INPP5K: variants seen among roughly 807,000 people sequenced by gnomAD.
INPP5K encodes the protein inositol polyphosphate 5-phosphatase K.
A neutral mutation model predicts 53.5 loss-of-function variants in INPP5K; 35 were observed. The ratio of observed to expected loss-of-function variants is 0.65; its 90% CI spans 0.50 to 0.87. The LOEUF is 0.87. INPP5K is among the 40% of genes least tolerant of loss of function. INPP5K has a pLI of 0.00. For missense variants in INPP5K, 550 were observed against 586.2 expected (o/e 0.94, Z 0.64); for synonymous variants, 253 against 232.8 (o/e 1.09, Z -0.79).
Position 1,508,162 on chromosome 17 carries a change from C to T in INPP5K, c.619G>A (p.Glu207Lys). The T allele has an allele frequency of 6.2e-7, 1 of 1,614,118 alleles. No homozygotes were observed. The highest frequency in any genetic ancestry group is 8.5e-7 in the Non-Finnish European group (1 of 1,179,996). The stretch of plus-strand genomic sequence containing the variant: ...CCGTAGCACCGATTTTTAATGGATT[C>T]CCGAACAAAGTGCAACCCAAAGTCC... ...IEDFGLHFVR[E>K]SIKNRCYGGL... The change falls in exon 6 of 12, where the codon GAA becomes AAA. Residue 207 changes from glutamate to lysine, a missense_variant. Transcript: ENST00000421807.
chr17:1,513,395 A>G, intron 3 of INPP5K, 58 bp downstream of exon 3: 1 of 1,253,214 alleles, frequency 8.0e-7, no homozygotes, highest in Non-Finnish European at 1.2e-6. Context: ...CCCAACAAGC[A>G]GGGGTCAGTG....
In INPP5K at chr17:1,514,534, C is replaced by T. The variant is rs143001329; in HGVS notation, c.45-555G>A. The stretch of plus-strand genomic sequence containing the variant: ...ATGCTGGCTCACAGCCACCCACACC[C>T]GGCAGCACTGGTGCTGCTGATATAG... On this transcript the variant is annotated intron_variant, in intron 1 of 11. Transcript: ENST00000421807. Among the ~76,000 whole-genome samples the T allele has an allele frequency of 2.0e-3, 305 of 152,254 alleles. 1 individual carries two copies. The highest frequency in any genetic ancestry group is 6.9e-3 in the African/African-American group (287 of 41,540).
At chr17:1,511,473 G>A (rs1223606944) in intron 3 of INPP5K, among the ~76,000 whole-genome samples, 3 of 152,194 alleles carry the variant, frequency 2.0e-5, no homozygotes, top group South Asian at 2.1e-4. Context: ...CCCCGGGTGG[G>A]GAGCGTGTAC....
chr17:1,497,925 C>T lies in INPP5K; in HGVS notation c.963+11G>A. ...TTCCTCTGGCAAGTATCAGGCAGCC[C>T]AGAAGTTCACCTCCAAGTCGAACGT... On this transcript the variant is annotated intron_variant, in intron 8 of 11. Transcript: ENST00000421807. 6.2e-7 allele frequency: 1 copy of T among 1,608,898 alleles called. No individual in the cohort carries two copies. Among genetic ancestry groups the T allele is most frequent in the Non-Finnish European group, 8.5e-7 (1 of 1,176,192 alleles).
At chr17:1,512,218 T>A (rs2075325618) in intron 3 of INPP5K, among the ~76,000 whole-genome samples, 1 of 152,182 alleles carries the variant, frequency 6.6e-6, no homozygotes, top group South Asian at 2.1e-4. Flanking sequence ...CTAATTTCCT[T>A]GGCTCAATTC....
At chr17:1,496,494 C>T in intron 9 of INPP5K, 92 bp from the exon 10 acceptor site, 1 of 1,336,850 alleles carries the variant, frequency 7.5e-7, no homozygotes, top group South Asian at 1.2e-5. Flanking sequence ...CTGGGCCTGG[C>T]TACCGTACTG....
intron 3 of INPP5K, among the ~76,000 whole-genome samples, chr17:1,510,050 A>C (rs191918655): frequency 1.3e-5 from 2 of 152,390 alleles, no homozygotes; most frequent in East Asian, 1.9e-4. Context: ...GGAAGAGAAG[A>C]TAAGCTAAGG....
Position 1,496,937 on chromosome 17 carries a change from C to T in INPP5K, c.964-134G>A. The T allele has an allele frequency of 9.7e-6, 8 of 828,140 alleles. No homozygotes were observed. In the South Asian group the frequency reaches 1.3e-4, roughly 14 times the overall value. The allele number at this position is 828,140 out of a possible 1,614,324, so 51.3% of individuals were successfully genotyped here. The stretch of plus-strand genomic sequence containing the variant: ...CAGAGGGGGTGGGCATGGAACTCCA[C>T]TGGGCTGCTCCAACGGACCTTGGCT... On this transcript the variant is annotated intron_variant, in intron 8 of 11. Coordinates refer to ENST00000421807, the MANE Select transcript of INPP5K (RefSeq NM_016532.4).
At position 1,497,924 on chromosome 17, in the gene INPP5K, C is replaced by A; in HGVS notation, c.963+12G>T. 1 of 1,608,562 alleles carries A rather than the reference C, an allele frequency of 6.2e-7. No individual in the cohort carries two copies. The highest frequency in any genetic ancestry group is 1.3e-5 in the African/African-American group (1 of 74,958). On this transcript the variant is annotated intron_variant, in intron 8 of 11. Coordinates refer to ENST00000421807, the MANE Select transcript of INPP5K (RefSeq NM_016532.4). ...ATTCCTCTGGCAAGTATCAGGCAGC[C>A]CAGAAGTTCACCTCCAAGTCGAACG...
chr17:1,498,139 C>T lies in INPP5K; in HGVS notation c.777-17G>A. On this transcript the variant is annotated splice_polypyrimidine_tract_variant and intron_variant, in intron 7 of 11. Transcript: ENST00000421807. ...TTTTTCTCACTGCAGGGGCAGGGGG[C>T]ATAAAGAGGAAGAATGGGGAAAGAA... 6.3e-7 allele frequency: 1 copy of T among 1,574,808 alleles called. No homozygotes were observed. The highest frequency in any genetic ancestry group is 8.7e-7 in the Non-Finnish European group (1 of 1,154,644).
At chr17:1,504,723 G>A (rs1445486450) in intron 7 of INPP5K, among the ~76,000 whole-genome samples, 1 of 152,218 alleles carries the variant, frequency 6.6e-6, no homozygotes, top group African/African-American at 2.4e-5. Context: ...ACTGATACAG[G>A]CAAAGCCTTG....
At chr17:1,497,486 G>A (rs1042500036) in intron 8 of INPP5K, among the ~76,000 whole-genome samples, 9 of 151,970 alleles carry the variant, frequency 5.9e-5, no homozygotes, top group African/African-American at 1.2e-4. Flanking sequence ...ACACACACAC[G>A]CCAGTAAACC....
chr17:1,500,337 C>G (rs977129796), intron 7 of INPP5K, among the ~76,000 whole-genome samples: 7 of 152,204 alleles, frequency 4.6e-5, no homozygotes, highest in Admixed American at 3.3e-4. Flanking sequence ...TTGCCGAAAC[C>G]ATCCCAGACA....
chr17:1,507,913 G>C (rs895063604), intron 6 of INPP5K, among the ~76,000 whole-genome samples: 60 of 151,914 alleles, frequency 3.9e-4, no homozygotes, highest in Non-Finnish European at 5.0e-4. Context: ...AGCACATCCA[G>C]GGTCTGTTAC....
chr17:1,500,577 G>A (rs1234369467), intron 7 of INPP5K, among the ~76,000 whole-genome samples: 1 of 152,174 alleles, frequency 6.6e-6, no homozygotes, highest in South Asian at 2.1e-4. Context: ...GCATTAGCCA[G>A]GATGGTCTTG....
Position 1,516,605 on chromosome 17 carries a change from C to A in INPP5K, c.-106G>T. The A allele has an allele frequency of 7.1e-7, 1 of 1,411,600 alleles. No individual in the cohort carries two copies. Among genetic ancestry groups the A allele is most frequent in the Non-Finnish European group, 9.2e-7 (1 of 1,091,482 alleles). 87.4% of individuals were successfully genotyped at this position (1,411,600 alleles called of 1,614,324 possible). ...CGGCCGGTCTCACGCGCCTAGCTGT[C>A]GCGGACTGTTTTTCTTCCGGACTCC... is the stretch of plus-strand genomic sequence containing the variant. On this transcript the variant is annotated 5_prime_UTR_variant, in exon 1 of 12. Transcript: ENST00000421807.
At chr17:1,516,026 A>G (rs984486548) in intron 1 of INPP5K, 19 of 1,014,472 alleles carry the variant, frequency 1.9e-5, no homozygotes, top group South Asian at 4.0e-5. Flanking sequence ...GCAAGAGACC[A>G]GGCTAAGTCA....
chr17:1,507,107 G>A lies in INPP5K; in HGVS notation c.667-18C>T. The A allele has an allele frequency of 1.2e-6, 2 of 1,601,782 alleles. No individual in the cohort carries two copies. The highest frequency in any genetic ancestry group is 1.7e-6 in the Non-Finnish European group (2 of 1,169,038). ...ATGCTGAGCTGCAGACAAAGTCATA[G>A]TCCCCGTCTCCCAGTAGTCTCGACC... On this transcript the variant is annotated intron_variant, in intron 6 of 11. Coordinates refer to ENST00000421807, the MANE Select transcript of INPP5K (RefSeq NM_016532.4).
At chr17:1,502,157 G>A (rs1433400421) in intron 7 of INPP5K, among the ~76,000 whole-genome samples, 4 of 151,746 alleles carry the variant, frequency 2.6e-5, no homozygotes, top group South Asian at 2.1e-4. Context: ...AGACCATCCT[G>A]GCTAACATGG....
Sources: gnomAD v4.1 joint callset for allele counts (sites outside exome capture counted in the v4.1 genomes callset) on GRCh38, gnomAD v4.1.1 for gene constraint, MANE v1.5 for transcripts, NCBI Gene and HGNC (gene_info 2026-07-23, HGNC 2026-07-21) for gene names.